NEGR1: variants seen among roughly 807,000 people sequenced by gnomAD.
NEGR1 encodes the protein neuronal growth regulator 1, also known as IgLON family member 4.
NEGR1 carries 10 observed loss-of-function variants against 40.9 expected under a neutral mutation model. That is an observed-to-expected ratio of 0.24 (90% CI 0.15 to 0.42). The LOEUF (loss-of-function observed/expected upper bound fraction) is 0.42, where lower values mean the gene tolerates loss of function less well. Among genes scored for constraint, NEGR1 ranks in the 10% least tolerant of loss-of-function variants. The pLI, the probability that NEGR1 is intolerant of heterozygous loss-of-function variation, is 1.00. For missense variants in NEGR1, 352 were observed against 438.9 expected, an observed-to-expected ratio of 0.80 and a Z score of 1.77; for synonymous variants, 185 against 166.8, an observed-to-expected ratio of 1.11 and a Z score of -0.84.
chr1:71,659,465 C>T (rs1651982864), intron 4 of NEGR1, among the ~76,000 whole-genome samples: 1 of 152,024 alleles, frequency 6.6e-6, no homozygotes, highest in African/African-American at 2.4e-5. Context: ...CAAACAAAAG[C>T]AAAAATTGAC....
intron 3 of NEGR1, among the ~76,000 whole-genome samples, chr1:71,710,063 GA>G (rs1217146993): frequency 6.6e-5 from 10 of 152,198 alleles, no homozygotes; most frequent in Admixed American, 3.9e-4. Context: ...ATAATCTGAT[GA>G]AAAAATAAGC....
intron 2 of NEGR1, among the ~76,000 whole-genome samples, chr1:71,827,420 T>C (rs1312244067): frequency 6.6e-6 from 1 of 151,770 alleles, no homozygotes; most frequent in Non-Finnish European, 1.5e-5. Context: ...CACAACTCTA[T>C]TCAATCAATG....
chr1:71,958,809 G>A (rs769633404), intron 1 of NEGR1, among the ~76,000 whole-genome samples: 4 of 152,016 alleles, frequency 2.6e-5, no homozygotes, highest in Non-Finnish European at 5.9e-5. Context: ...AAAAAAATGA[G>A]CTGGGCGTGG....
chr1:72,230,304 A>G (rs1391330080), intron 1 of NEGR1, among the ~76,000 whole-genome samples: 1 of 152,186 alleles, frequency 6.6e-6, no homozygotes, highest in Non-Finnish European at 1.5e-5. Context: ...CTAATATAAT[A>G]ATTGATTATA....
chr1:72,191,513 A>G (rs1028919514), intron 1 of NEGR1, among the ~76,000 whole-genome samples: 3 of 151,828 alleles, frequency 2.0e-5, no homozygotes, highest in Non-Finnish European at 4.4e-5. Context: ...ATAATCTAAA[A>G]TCTTTTCTTA....
chr1:71,662,457 C>A (rs537180129), intron 4 of NEGR1, among the ~76,000 whole-genome samples: 1 of 152,268 alleles, frequency 6.6e-6, no homozygotes, highest in South Asian at 2.1e-4. Context: ...GAGGCATATT[C>A]AGGCATTATC....
At chr1:71,597,315 A>G (rs575960683) in intron 5 of NEGR1, among the ~76,000 whole-genome samples, 20 of 152,082 alleles carry the variant, frequency 1.3e-4, no homozygotes, top group Admixed American at 4.6e-4. Context: ...CTCAAGGACC[A>G]TAGTTCTACC....
intron 1 of NEGR1, among the ~76,000 whole-genome samples, chr1:71,967,119 C>G (rs1646216188): frequency 6.6e-6 from 1 of 152,102 alleles, no homozygotes; most frequent in Non-Finnish European, 1.5e-5. Flanking sequence ...ACAAAGATTT[C>G]TTCACTGATG....
At chr1:71,443,391 C>A (rs1455223682) in intron 6 of NEGR1, among the ~76,000 whole-genome samples, 3 of 152,196 alleles carry the variant, frequency 2.0e-5, no homozygotes, top group Non-Finnish European at 1.5e-5. Flanking sequence ...ACGTTGCTAT[C>A]TAATGCCTTT....
chr1:71,982,356 G>T lies in NEGR1; in HGVS notation c.177-47045C>A, dbSNP rs1017180367. Among the ~76,000 whole-genome samples, 14 of 146,330 alleles carry T rather than the reference G, an allele frequency of 9.6e-5. No homozygotes were observed. The South Asian group carries it at 2.1e-3, about 22-fold the overall frequency. On this transcript the variant is annotated intron_variant, in intron 1 of 6. Coordinates refer to ENST00000357731, the MANE Select transcript of NEGR1 (RefSeq NM_173808.3). ...CCTCACCATCTCCTGTCCCTAAAGG[G>T]TTAGCTCTCTTTGGTCTAACTATCA...
chr1:71,631,288 G>A (rs1461180879), intron 4 of NEGR1, among the ~76,000 whole-genome samples: 1 of 151,684 alleles, frequency 6.6e-6, no homozygotes, highest in Non-Finnish European at 1.5e-5. Flanking sequence ...AGGTGTGTTA[G>A]CACATTCAAT....
chr1:71,816,025 T>C (rs1173340452), intron 2 of NEGR1, among the ~76,000 whole-genome samples: 1 of 152,102 alleles, frequency 6.6e-6, no homozygotes. Context: ...ATCAATAAAA[T>C]CAATTCCTTT....
At position 71,406,322 on chromosome 1, in the gene NEGR1, C is replaced by A. The variant is rs1646277546; in HGVS notation, c.*1124G>T. 1 of 151,998 alleles carries A rather than the reference C, an allele frequency of 6.6e-6. No homozygotes were observed. The highest frequency in any genetic ancestry group is 2.1e-4 in the South Asian group (1 of 4,828). 9.4% of individuals were successfully genotyped at this position (151,998 alleles called of 1,614,324 possible). A position where few individuals can be genotyped will look rare whatever the true frequency, so the allele number is the denominator to read the frequency against. ...CAGATGGAAAATATGCAAAATGCTC[C>A]TGTCCACAGGAGCACTGCCTCTGTC... On this transcript the variant is annotated 3_prime_UTR_variant, in exon 7 of 7. Coordinates refer to ENST00000357731, the MANE Select transcript of NEGR1 (RefSeq NM_173808.3).
chr1:71,715,596 A>T (rs499164), intron 3 of NEGR1, among the ~76,000 whole-genome samples: 5,845 of 152,162 alleles, frequency 0.038, 337 homozygotes, highest in African/African-American at 0.13. Flanking sequence ...GCTGCTAGAA[A>T]CTTCTTCTGC....
At chr1:71,692,115 T>G (rs1653303988) in intron 4 of NEGR1, among the ~76,000 whole-genome samples, 1 of 151,734 alleles carries the variant, frequency 6.6e-6, no homozygotes, top group African/African-American at 2.4e-5. Flanking sequence ...TAGCCCAGGC[T>G]GTAGCACCTT....
intron 3 of NEGR1, among the ~76,000 whole-genome samples, chr1:71,705,069 A>AT (rs1389835024): frequency 7.7e-6 from 1 of 130,656 alleles, no homozygotes; most frequent in East Asian, 2.6e-4. Flanking sequence ...TCAATATTTT[A>AT]ATTTTTTTCA....
intron 1 of NEGR1, among the ~76,000 whole-genome samples, chr1:72,120,210 A>G (rs575458435): frequency 1.8e-3 from 267 of 152,152 alleles, no homozygotes; most frequent in African/African-American, 6.0e-3. Context: ...GGTAAAAAGC[A>G]TATTAGATAA....
chr1:72,131,525 G>C (rs1454552326), intron 1 of NEGR1, among the ~76,000 whole-genome samples: 2 of 152,114 alleles, frequency 1.3e-5, no homozygotes, highest in African/African-American at 4.8e-5. Flanking sequence ...TGTGGATTTG[G>C]GGACAGCTTG....
intron 3 of NEGR1, among the ~76,000 whole-genome samples, chr1:71,750,240 G>A (rs1022290955): frequency 5.9e-5 from 9 of 152,130 alleles, no homozygotes; most frequent in Admixed American, 1.3e-4. Flanking sequence ...TGATCCACCC[G>A]CCTCGGCCTC....
Sources: gnomAD v4.1 joint callset for allele counts (sites outside exome capture counted in the v4.1 genomes callset) on GRCh38, gnomAD v4.1.1 for gene constraint, MANE v1.5 for transcripts, NCBI Gene and HGNC (gene_info 2026-07-23, HGNC 2026-07-21) for gene names.